The following GRAMD2B variants were observed in gnomAD, a reference collection of about 807,000 sequenced individuals.
GRAMD2B encodes GRAM domain-containing protein 2B.
GRAMD2B carries 41 observed loss-of-function variants against 59.2 expected under a neutral mutation model. The ratio of observed to expected loss-of-function variants is 0.69; its 90% CI spans 0.54 to 0.90. The LOEUF (loss-of-function observed/expected upper bound fraction) is 0.90. GRAMD2B is among the 40% of genes least tolerant of loss of function. GRAMD2B has a pLI of 0.00. For synonymous variants in GRAMD2B, 161 were observed against 182.7 expected (o/e 0.88, Z 0.96); for missense variants, 424 against 500.5 (o/e 0.85, Z 1.46).
At chr5:126,479,132 C>G (rs1771219594) in intron 6 of GRAMD2B, among the ~76,000 whole-genome samples, 1 of 152,156 alleles carries the variant, frequency 6.6e-6, no homozygotes, top group Non-Finnish European at 1.5e-5. Context: ...TTTTTTTAAT[C>G]TTTCATGAAT....
chr5:126,439,897 G>A (rs574722114), intron 1 of GRAMD2B, among the ~76,000 whole-genome samples: 177 of 152,144 alleles, frequency 1.2e-3, no homozygotes, highest in Non-Finnish European at 1.9e-3. Context: ...TTTATAAAGG[G>A]TAGTTCCCCT....
At chr5:126,398,862 T>A (rs1487994409) in intron 1 of GRAMD2B, among the ~76,000 whole-genome samples, 1 of 152,188 alleles carries the variant, frequency 6.6e-6, no homozygotes, top group African/African-American at 2.4e-5. Context: ...CACCCAATGA[T>A]TATTTAGGAG....
At chr5:126,394,885 C>T (rs1166765188) in intron 1 of GRAMD2B, among the ~76,000 whole-genome samples, 1 of 152,044 alleles carries the variant, frequency 6.6e-6, no homozygotes, top group Non-Finnish European at 1.5e-5. Context: ...AGTGAGCCAG[C>T]CAAACTAATA....
At chr5:126,473,220 A>G (rs745367357) in intron 4 of GRAMD2B, 45 bp from the exon 5 acceptor site, 4 of 699,420 alleles carry the variant, frequency 5.7e-6, no homozygotes, top group Non-Finnish European at 6.8e-6. Context: ...TTTTTATTTT[A>G]AGTGGAAATT....
chr5:126,485,853 C>A, intron 11 of GRAMD2B, 80 bp downstream of exon 11: 1 of 805,116 alleles, frequency 1.2e-6, no homozygotes, highest in South Asian at 1.7e-5. Flanking sequence ...ACTGCCAAGA[C>A]CTACTGTAAA....
chr5:126,487,063 C>A, intron 12 of GRAMD2B, 86 bp downstream of exon 12: 1 of 726,632 alleles, frequency 1.4e-6, no homozygotes, highest in South Asian at 1.6e-5. Context: ...TCTTAGTAAA[C>A]ATTAATTGGA....
intron 1 of GRAMD2B, among the ~76,000 whole-genome samples, chr5:126,393,686 A>G (rs993452760): frequency 6.6e-6 from 1 of 152,184 alleles, no homozygotes; most frequent in Admixed American, 6.5e-5. Flanking sequence ...GCCCCAAGAT[A>G]ACAATTATCT....
chr5:126,465,582 C>A, intron 2 of GRAMD2B, 37 bp downstream of exon 2: 1 of 1,597,056 alleles, frequency 6.3e-7, no homozygotes, highest in Non-Finnish European at 8.5e-7. Flanking sequence ...TCTCTTTTGT[C>A]TTTTGGGGAG....
rs1464738059 is a variant in GRAMD2B at position 126,494,323 on chromosome 5, G to A, written c.*1367G>A. The A allele has an allele frequency of 4.7e-5, 7 of 150,322 alleles. No individual in the cohort carries two copies. Among genetic ancestry groups the A allele is most frequent in the East Asian group, 1.9e-4 (1 of 5,136 alleles). 9.3% of individuals were successfully genotyped at this position (150,322 alleles called of 1,614,324 possible). ...AGGATTTAAGTTCTTGGGTTACAAC[G>A]GTTTAAAGGAAAGAAAATGAACTTT... On this transcript the variant is annotated 3_prime_UTR_variant, in exon 14 of 14. Transcript: ENST00000285689.
At chr5:126,470,701 G>A (rs1306418576) in intron 3 of GRAMD2B, among the ~76,000 whole-genome samples, 1 of 152,002 alleles carries the variant, frequency 6.6e-6, no homozygotes, top group Non-Finnish European at 1.5e-5. Flanking sequence ...TGGGATTACA[G>A]ATGTGCACCA....
chr5:126,364,007 A>G (rs1429927199), intron 1 of GRAMD2B, among the ~76,000 whole-genome samples: 1 of 152,210 alleles, frequency 6.6e-6, no homozygotes, highest in Non-Finnish European at 1.5e-5. Context: ...GCTTTAAAAA[A>G]ACTCTAAAGT....
At chr5:126,383,128 T>G (rs1363265126) in intron 1 of GRAMD2B, among the ~76,000 whole-genome samples, 1 of 152,236 alleles carries the variant, frequency 6.6e-6, no homozygotes, top group Non-Finnish European at 1.5e-5. Flanking sequence ...CGTGACTTAT[T>G]TTTTAAATGA....
chr5:126,366,877 T>C (rs1275505127), upstream of GRAMD2B, among the ~76,000 whole-genome samples: 1 of 132,800 alleles, frequency 7.5e-6, no homozygotes, highest in African/African-American at 2.9e-5. Context: ...CTTTTTGAGA[T>C]GGAGTCTCGC....
chr5:126,450,652 T>TAAA lies in GRAMD2B; in HGVS notation c.84-14750_84-14748dup, dbSNP rs10544199. Reference sequence around the variant, plus strand: ...AGTGACAGTCCATCCAGCCTGCTGTTAAAAAAAAAAAAAAAAAAAAAAAAA... The same window carrying TAAA: ...AGTGACAGTCCATCCAGCCTGCTGTTAAAAAAAAAAAAAAAAAAAAAAAAAAAA... On this transcript the variant is annotated intron_variant, in intron 1 of 13. Transcript: ENST00000285689. 1.2e-3 allele frequency among the ~76,000 whole-genome samples: 118 copies of TAAA among 96,052 alleles called. 5 individuals are homozygous for TAAA. Among genetic ancestry groups the TAAA allele is most frequent in the Middle Eastern group, 6.8e-3 (1 of 146 alleles). 63.0% of individuals were successfully genotyped at this position (96,052 alleles called of 152,430 possible).
At chr5:126,361,957 C>T (rs1580657531) in intron 1 of GRAMD2B, among the ~76,000 whole-genome samples, 1 of 152,128 alleles carries the variant, frequency 6.6e-6, no homozygotes, top group Non-Finnish European at 1.5e-5. Flanking sequence ...TACCTACCTC[C>T]CAGAAGCATT....
At chr5:126,431,221 G>A (rs939643018) in intron 1 of GRAMD2B, among the ~76,000 whole-genome samples, 3 of 151,966 alleles carry the variant, frequency 2.0e-5, no homozygotes, top group Admixed American at 6.6e-5. Flanking sequence ...GACTATAAAT[G>A]TGTTGAACTT....
intron 1 of GRAMD2B, among the ~76,000 whole-genome samples, chr5:126,432,724 A>G (rs1245115134): frequency 6.6e-6 from 1 of 152,174 alleles, no homozygotes; most frequent in Non-Finnish European, 1.5e-5. Flanking sequence ...TCCTCCCTTA[A>G]TAACAAAGTT....
chr5:126,438,792 G>A (rs1430881524), intron 1 of GRAMD2B, among the ~76,000 whole-genome samples: 1 of 152,126 alleles, frequency 6.6e-6, no homozygotes, highest in Non-Finnish European at 1.5e-5. Flanking sequence ...ATTGGAAATT[G>A]GGAGTGAACA....
rs369085871 is a variant in GRAMD2B at position 126,362,907 on chromosome 5, G to A, written c.128+2448G>A. 2.0e-5 allele frequency among the ~76,000 whole-genome samples: 3 copies of A among 152,152 alleles called. No individual in the cohort carries two copies. In the South Asian group the frequency reaches 6.2e-4, roughly 32 times the overall value. ...CATACGAGTAAATAATCATTGGGTT[G>A]GGCAATTATTTCTTAGGCCCAACAC... On this transcript the variant is annotated intron_variant, in intron 1 of 13. Transcript: ENST00000513040.
Sources: allele counts gnomAD v4.1 joint callset (sites outside exome capture counted in the v4.1 genomes callset), GRCh38; gene constraint gnomAD v4.1.1; transcripts MANE v1.5; gene names NCBI Gene and HGNC (gene_info 2026-07-23, HGNC 2026-07-21).